Variants in FANCD2 observed in about 807,000 individuals in gnomAD.
FANCD2 encodes Fanconi anemia group D2 protein.
In FANCD2, 131 loss-of-function variants were observed where a neutral mutation model predicts 192.3. That is an observed-to-expected ratio of 0.68 (90% CI 0.59 to 0.79). FANCD2 has a LOEUF of 0.79. FANCD2 is among the 30% of genes least tolerant of loss of function. FANCD2 has a pLI of 0.00. For synonymous variants in FANCD2, 524 were observed against 612.5 expected (o/e 0.86, Z 2.13); for missense variants, 1,508 against 1,701.6 (o/e 0.89, Z 2.00).
intron 1 of FANCD2, chr3:10,026,725 T>C (rs537067657): frequency 6.8e-6 from 1 of 147,652 alleles, no homozygotes; most frequent in African/African-American, 2.6e-5. Flanking sequence ...ATCTCACTTC[T>C]GTTGGGCTTT....
chr3:10,063,963 T>G, intron 21 of FANCD2, 52 bp downstream of exon 21: 10 of 1,613,986 alleles, frequency 6.2e-6, no homozygotes, highest in Non-Finnish European at 6.8e-6. Context: ...GCTGCTTTAC[T>G]ACACTCTTCA....
At position 10,027,904 on chromosome 3, in the gene FANCD2, C is replaced by CAAAAAAA. The variant is rs145483323; in HGVS notation, c.-33-707_-33-701dup. Reference sequence around the variant, plus strand: ...TGGGTGACAGAGTGAGACTCCGTCTCAAAAAAAAAAAAAAAAAAAATCACT... The same window carrying CAAAAAAA: ...TGGGTGACAGAGTGAGACTCCGTCTCAAAAAAAAAAAAAAAAAAAAAAAAAAATCACT... On this transcript the variant is annotated intron_variant, in intron 1 of 43. Transcript: ENST00000675286. Among the ~76,000 whole-genome samples the CAAAAAAA allele has an allele frequency of 1.9e-3, 125 of 66,492 alleles. 2 individuals are homozygous for CAAAAAAA. Among genetic ancestry groups the CAAAAAAA allele is most frequent in the African/African-American group, 6.6e-3 (112 of 16,906 alleles). The allele number at this position is 66,492 out of a possible 152,430, so 43.6% of individuals were successfully genotyped here.
intron 36 of FANCD2, among the ~76,000 whole-genome samples, chr3:10,089,658 T>C (rs1424486662): frequency 6.6e-6 from 1 of 152,046 alleles, no homozygotes; most frequent in Non-Finnish European, 1.5e-5. Flanking sequence ...TTAGTAGAGA[T>C]TGGGTTTCAC....
chr3:10,028,764 T>A (rs762544551), intron 2 of FANCD2, 43 bp downstream of exon 2: 40 of 1,475,712 alleles, frequency 2.7e-5, no homozygotes, highest in Non-Finnish European at 3.7e-5. Flanking sequence ...TGTAGCAATG[T>A]GTGAGGCATG....
chr3:10,044,710 T>C (rs112433757), intron 14 of FANCD2, among the ~76,000 whole-genome samples: 4,348 of 152,238 alleles, frequency 0.029, 224 homozygotes, highest in African/African-American at 0.099. Flanking sequence ...TTTGGGATGA[T>C]TATCTTAAAA....
intron 3 of FANCD2, 59 bp downstream of exon 3, chr3:10,033,031 A>T: frequency 7.6e-7 from 1 of 1,319,960 alleles, no homozygotes; most frequent in Non-Finnish European, 1.1e-6. Context: ...GGACTGAATC[A>T]TGGGTTTTCT....
At position 10,043,568 on chromosome 3, in the gene FANCD2, A is replaced by T. The variant is rs766065907; in HGVS notation, c.1074A>T (p.Lys358Asn). ...DVIKSAIRYEKTISEAWIKAI... is the reference protein window; with the variant it reads ...DVIKSAIRYENTISEAWIKAI... Reference sequence around the variant, plus strand: ...TAAAGTCAGCTATTAGATATGAGAAAACCATTTCAGAAGCCTGGATTAAGG... The same window carrying T: ...TAAAGTCAGCTATTAGATATGAGAATACCATTTCAGAAGCCTGGATTAAGG... The change falls in exon 13 of 44, where the codon AAA becomes AAT. Residue 358 changes from lysine to asparagine, a missense_variant. By Grantham distance (94) the Lys-to-Asn change is moderately conservative. Transcript: ENST00000675286. The T allele has an allele frequency of 3.1e-6, 5 of 1,613,328 alleles. No homozygotes were observed. In the Admixed American group the frequency reaches 8.3e-5, roughly 27 times the overall value.
intron 36 of FANCD2, 81 bp from the exon 37 acceptor site, chr3:10,090,211 T>G (rs1473508030): frequency 1.0e-6 from 1 of 981,814 alleles, no homozygotes; most frequent in Non-Finnish European, 1.6e-6. Flanking sequence ...GGAAGGAAGC[T>G]ACTTTTGGTT....
At chr3:10,041,572 C>A in intron 9 of FANCD2, 51 bp from the exon 10 acceptor site, 1 of 1,219,568 alleles carries the variant, frequency 8.2e-7, no homozygotes, top group Non-Finnish European at 1.2e-6. Flanking sequence ...ATTGTCTGCC[C>A]AGCTCTGTTC....
At position 10,067,267 on chromosome 3, in the gene FANCD2, G is replaced by T; in HGVS notation, c.2444G>T (p.Arg815Leu). Residue 815 changes from arginine (R) to leucine (L), a missense_variant, in exon 26 of 44, where the codon CGG becomes CTG. Arg to Leu is a moderately radical substitution (Grantham distance 102). Transcript: ENST00000675286. ...GAGATGAAGGGGAAGGTGCTCACTC[G>T]GTTAAAGCACATTGTAGAATTGCAA... ...SPEMKGKVLT[R>L]LKHIVELQII... 1 of 1,613,766 alleles carries T rather than the reference G, an allele frequency of 6.2e-7. No homozygotes were observed. Among genetic ancestry groups the T allele is most frequent in the Non-Finnish European group, 8.5e-7 (1 of 1,179,762 alleles).
chr3:10,101,715 C>G lies in FANCD2; in HGVS notation c.*453C>G, dbSNP rs1334481391. ...GTTCTTAAAGTGGGGTCTTTATTAA[C>G]TTGTGGACATCATGGATTGTCTAAC... On this transcript the variant is annotated 3_prime_UTR_variant, in exon 44 of 44. Transcript: ENST00000675286. 3.8e-6 allele frequency: 1 copy of G among 261,912 alleles called. No individual in the cohort carries two copies. The highest frequency in any genetic ancestry group is 7.5e-6 in the Non-Finnish European group (1 of 134,184). The allele number at this position is 261,912 out of a possible 1,614,324, so 16.2% of individuals were successfully genotyped here. A position where few individuals can be genotyped will look rare whatever the true frequency, so the allele number is the denominator to read the frequency against.
chr3:10,078,196 A>C lies in FANCD2; in HGVS notation c.2975A>C (p.Lys992Thr). 1 of 1,570,842 alleles carries C rather than the reference A, an allele frequency of 6.4e-7. No individual in the cohort carries two copies. The highest frequency in any genetic ancestry group is 8.8e-7 in the Non-Finnish European group (1 of 1,140,880). ...ATTGCCAGGAGAGTCCCCTTTCTCA[A>C]GGTTAGTGTAGGCAGAAGCATAGGA... ...PPIARRVPFL[K>T]NKGSRNIGFS... Residue 992 changes from lysine (K) to threonine (T), a missense_variant and splice_region_variant, in exon 30 of 44, where the codon AAG becomes ACG. Around this residue, in one of 5 missense-constraint regions of FANCD2, gnomAD observed 796 missense variants for 879.4 expected, o/e 0.91. Coordinates refer to ENST00000675286, the MANE Select transcript of FANCD2 (RefSeq NM_001018115.3).
At chr3:10,032,705 A>G (rs1386482873) in intron 2 of FANCD2, 127 bp from the exon 3 acceptor site, 5 of 768,804 alleles carry the variant, frequency 6.5e-6, no homozygotes, top group South Asian at 3.1e-5. Flanking sequence ...TTATTTCACT[A>G]CAGCATCAAT....
chr3:10,098,662 C>T (rs751963392), intron 42 of FANCD2, 58 bp from the exon 43 acceptor site: 93 of 1,594,530 alleles, frequency 5.8e-5, no homozygotes, highest in Middle Eastern at 1.7e-4. Context: ...ACCTTCTCCC[C>T]TATTACCCTA....
intron 2 of FANCD2, chr3:10,032,300 G>C (rs1433050106): frequency 2.4e-6 from 1 of 415,894 alleles, no homozygotes; most frequent in East Asian, 7.9e-5. Context: ...TTTTTTTAGA[G>C]ATGGGGATTT....
chr3:10,062,226 T>A lies in FANCD2; in HGVS notation c.1827+15T>A. 1 of 1,608,610 alleles carries A rather than the reference T, an allele frequency of 6.2e-7. No individual in the cohort carries two copies. Among genetic ancestry groups the A allele is most frequent in the Admixed American group, 1.7e-5 (1 of 59,468 alleles). ...AGTGCACACAGGTGAGTTCTTTTTT[T>A]CCTTTCTTTCTTTTTCCTGTCTTTT... On this transcript the variant is annotated intron_variant, in intron 20 of 43. Transcript: ENST00000675286.
chr3:10,042,191 T>C (rs4622888), intron 10 of FANCD2, among the ~76,000 whole-genome samples: 34,278 of 151,956 alleles, frequency 0.23, 4,989 homozygotes, highest in African/African-American at 0.42. Context: ...CCACCGTGCC[T>C]GGCCCACAGG....
At position 10,048,752 on chromosome 3, in the gene FANCD2, A is replaced by G. The variant is rs1575761465; in HGVS notation, c.1414-622A>G. On this transcript the variant is annotated intron_variant, in intron 16 of 43. Transcript: ENST00000675286. ...CAATGTTAAAACGCATTTGAATGGA[A>G]CTTTTAAAATGAAGATTTGTAAAAA... Among the ~76,000 whole-genome samples, 3 of 152,390 alleles carry G rather than the reference A, an allele frequency of 2.0e-5. No individual in the cohort carries two copies. The South Asian group carries it at 6.2e-4, about 32-fold the overall frequency.
intron 30 of FANCD2, among the ~76,000 whole-genome samples, chr3:10,079,167 C>G (rs560674980): frequency 1.1e-3 from 168 of 151,984 alleles, no homozygotes; most frequent in African/African-American, 3.9e-3. Context: ...TTGATTGAAC[C>G]CAGGAGGCAG....
Sources: gnomAD v4.1 joint callset for allele counts (sites outside exome capture counted in the v4.1 genomes callset) on GRCh38, gnomAD v4.1.1 for gene constraint, gnomAD v4.1.1 regional missense constraint, MANE v1.5 for transcripts, NCBI Gene and HGNC (gene_info 2026-07-23, HGNC 2026-07-21) for gene names.